KCNN2: variants seen among roughly 807,000 people sequenced by gnomAD.
KCNN2 encodes the protein small conductance calcium-activated potassium channel protein 2.
In KCNN2, 24 loss-of-function variants were observed where a neutral mutation model predicts 55.5. The observed-to-expected ratio is 0.43, with a 90% CI of 0.31 to 0.61. The LOEUF (loss-of-function observed/expected upper bound fraction) is 0.61. Ranked by LOEUF, KCNN2 falls within the 20% of genes least tolerant of loss-of-function variation. The pLI is 0.08. For synonymous variants in KCNN2, 431 were observed against 336.1 expected, an observed-to-expected ratio of 1.28 and a Z score of -3.09; for missense variants, 754 against 853.6, an observed-to-expected ratio of 0.88 and a Z score of 1.45.
At chr5:114,465,367 C>CTT (rs914990713) in intron 4 of KCNN2, among the ~76,000 whole-genome samples, 52 of 152,124 alleles carry the variant, frequency 3.4e-4, no homozygotes, top group Non-Finnish European at 4.4e-5. Context: ...AATCCCAACA[C>CTT]TTTGGGAGGC....
intron 1 of KCNN2, among the ~76,000 whole-genome samples, chr5:114,156,376 G>A (rs1222531122): frequency 6.6e-6 from 1 of 151,992 alleles, no homozygotes; most frequent in East Asian, 1.9e-4. Flanking sequence ...CTCTTTTTTG[G>A]TTCCCTATGA....
intron 1 of KCNN2, among the ~76,000 whole-genome samples, chr5:114,171,075 C>G (rs1753023325): frequency 6.6e-6 from 1 of 151,962 alleles, no homozygotes; most frequent in African/African-American, 2.4e-5. Flanking sequence ...GATCCTGACT[C>G]TCTATCTTTC....
chr5:114,075,051 C>T (rs1195531831), intron 1 of KCNN2, among the ~76,000 whole-genome samples: 2 of 152,198 alleles, frequency 1.3e-5, no homozygotes, highest in African/African-American at 4.8e-5. Context: ...TACCCCTTAG[C>T]ACTATGCCCA....
At chr5:114,469,225 C>A (rs1342499042) in intron 4 of KCNN2, among the ~76,000 whole-genome samples, 2 of 152,144 alleles carry the variant, frequency 1.3e-5, no homozygotes, top group Non-Finnish European at 2.9e-5. Flanking sequence ...TCATTACTTA[C>A]CTTTTCTAAA....
At chr5:114,281,663 G>GTGCATTTC (rs1755627138) in intron 2 of KCNN2, among the ~76,000 whole-genome samples, 1 of 121,520 alleles carries the variant, frequency 8.2e-6, no homozygotes, top group Non-Finnish European at 1.8e-5. Flanking sequence ...GTGTGCATTT[G>GTGCATTTC]TGTGTATGAT....
intron 1 of KCNN2, among the ~76,000 whole-genome samples, chr5:114,165,885 G>A (rs891845093): frequency 6.6e-6 from 1 of 151,980 alleles, no homozygotes; most frequent in Admixed American, 6.6e-5. Flanking sequence ...ACTGTGTGGG[G>A]GTTGGCGTCC....
chr5:114,060,931 G>T (rs1750313689), intron 1 of KCNN2, among the ~76,000 whole-genome samples: 1 of 152,256 alleles, frequency 6.6e-6, no homozygotes, highest in Non-Finnish European at 1.5e-5. Context: ...TAGGGCCAGT[G>T]CTCTGGCAGT....
intron 1 of KCNN2, among the ~76,000 whole-genome samples, chr5:114,198,032 CCTT>C (rs1003125660): frequency 3.3e-5 from 5 of 151,952 alleles, no homozygotes; most frequent in Non-Finnish European, 7.4e-5. Flanking sequence ...GTGCCGAGCT[CCTT>C]ATTTCTTCGT....
At chr5:114,119,282 G>A (rs773414625) in intron 1 of KCNN2, among the ~76,000 whole-genome samples, 27 of 152,172 alleles carry the variant, frequency 1.8e-4, no homozygotes, top group Non-Finnish European at 3.4e-4. Context: ...GTCCCATAGA[G>A]GGAGAGCATG....
At chr5:114,179,596 C>T (rs1161589358) in intron 1 of KCNN2, among the ~76,000 whole-genome samples, 1 of 152,148 alleles carries the variant, frequency 6.6e-6, no homozygotes, top group Non-Finnish European at 1.5e-5. Context: ...GGAAACTTCC[C>T]TGTCTACTTT....
upstream of KCNN2, among the ~76,000 whole-genome samples, chr5:114,359,256 T>C (rs183123401): frequency 4.6e-5 from 7 of 152,320 alleles, no homozygotes; most frequent in Non-Finnish European, 7.4e-5. Flanking sequence ...CCTCATGTTG[T>C]GAATCAAATT....
intron 2 of KCNN2, among the ~76,000 whole-genome samples, chr5:114,328,721 G>C (rs2150032252): frequency 6.6e-6 from 1 of 152,154 alleles, no homozygotes; most frequent in South Asian, 2.1e-4. Context: ...TGAACTTTGG[G>C]GCAGTCCTTC....
intron 1 of KCNN2, among the ~76,000 whole-genome samples, chr5:114,189,634 C>G (rs1455384392): frequency 6.6e-6 from 1 of 152,162 alleles, no homozygotes; most frequent in East Asian, 1.9e-4. Flanking sequence ...ATATCAGGCA[C>G]TATTCCAAGC....
intron 2 of KCNN2, among the ~76,000 whole-genome samples, chr5:114,395,826 C>G (rs4705504): frequency 7.9e-5 from 12 of 152,152 alleles, no homozygotes; most frequent in African/African-American, 2.9e-4. Context: ...GATCCTCTTA[C>G]GTCCTGACCT....
chr5:114,382,814 G>A (rs1300911897), intron 2 of KCNN2, among the ~76,000 whole-genome samples: 1 of 152,182 alleles, frequency 6.6e-6, no homozygotes, highest in African/African-American at 2.4e-5. Flanking sequence ...GCCACTCCAA[G>A]GATTAGCAGC....
intron 2 of KCNN2, among the ~76,000 whole-genome samples, chr5:114,380,565 C>G (rs550930896): frequency 3.3e-5 from 5 of 152,292 alleles, no homozygotes; most frequent in Non-Finnish European, 7.4e-5. Flanking sequence ...TAATAAGGCC[C>G]ATCTCATGAG....
At chr5:114,251,880 C>CTTT (rs200692821) in intron 2 of KCNN2, among the ~76,000 whole-genome samples, 1 of 133,334 alleles carries the variant, frequency 7.5e-6, no homozygotes, top group Non-Finnish European at 1.6e-5. Flanking sequence ...TTTTCTTTTT[C>CTTT]TTTTTTTTTT....
chr5:114,174,630 G>A (rs565042458), intron 1 of KCNN2, among the ~76,000 whole-genome samples: 4 of 152,148 alleles, frequency 2.6e-5, no homozygotes, highest in Admixed American at 6.5e-5. Context: ...GTCATGCTGC[G>A]TTTGCTCAGG....
intron 1 of KCNN2, among the ~76,000 whole-genome samples, chr5:114,113,247 C>T (rs753577702): frequency 6.6e-6 from 1 of 151,954 alleles, no homozygotes; most frequent in Non-Finnish European, 1.5e-5. Context: ...AAGGCTATTT[C>T]TTCTTACTCA....
Sources: gnomAD v4.1 joint callset for allele counts (sites outside exome capture counted in the v4.1 genomes callset) on GRCh38, gnomAD v4.1.1 for gene constraint, MANE v1.5 for transcripts, NCBI Gene and HGNC (gene_info 2026-07-23, HGNC 2026-07-21) for gene names.